Variants in DMD observed in about 807,000 individuals in gnomAD.
DMD encodes the protein mutant dystrophin.
A neutral mutation model predicts 330.1 loss-of-function variants in DMD; 63 were observed. The observed-to-expected ratio is 0.19, with a 90% CI of 0.16 to 0.24. The LOEUF (loss-of-function observed/expected upper bound fraction) is 0.24, where lower values mean the gene tolerates loss of function less well. DMD is among the 10% of genes least tolerant of loss of function. DMD has a pLI of 1.00. For synonymous variants in DMD, 1,223 were observed against 959.8 expected, an observed-to-expected ratio of 1.27 and a Z score of -5.07; for missense variants, 3,344 against 2,684.1, an observed-to-expected ratio of 1.25 and a Z score of -5.43.
intron 60 of DMD, among the ~76,000 whole-genome samples, chrX:31,369,092 A>G (rs772360590): frequency 8.9e-6 from 1 of 112,182 alleles, no homozygotes; most frequent in South Asian, 3.7e-4. Flanking sequence ...TTGACAGTGG[A>G]AAGTCTACAT....
At position 31,124,205 on chromosome X, in the gene DMD, A is replaced by T. The variant is rs751135229; in HGVS notation, c.11047-2275T>A. ...TTGTGGCCATCTTTGTGCTATAAAA[A>T]TAAAGAACTTTTAGAGTCACCTCAT... On this transcript the variant is annotated intron_variant, in intron 78 of 78. Coordinates refer to ENST00000357033, the MANE Select transcript of DMD (RefSeq NM_004006.3). 5.1e-4 allele frequency among the ~76,000 whole-genome samples: 57 copies of T among 112,514 alleles called. No homozygotes were observed. The Middle Eastern group carries it at 0.014, about 27-fold the overall frequency.
At chrX:32,167,887 C>A (rs1378806665) in intron 44 of DMD, among the ~76,000 whole-genome samples, 1 of 112,174 alleles carries the variant, frequency 8.9e-6, no homozygotes, top group Non-Finnish European at 1.9e-5. Flanking sequence ...GAGGGAAATT[C>A]AAAAATAAAT....
At chrX:32,344,777 G>A (rs1433906230) in intron 39 of DMD, among the ~76,000 whole-genome samples, 1 of 111,647 alleles carries the variant, frequency 9.0e-6, no homozygotes, top group Non-Finnish European at 1.9e-5. Flanking sequence ...TATTCAGTAG[G>A]ACACACACCA....
intron 43 of DMD, among the ~76,000 whole-genome samples, chrX:32,274,674 G>C (rs980574562): frequency 1.8e-5 from 2 of 111,766 alleles, no homozygotes; most frequent in Non-Finnish European, 3.8e-5. Context: ...TAACAACTAA[G>C]AATTCAGAAG....
intron 52 of DMD, among the ~76,000 whole-genome samples, chrX:31,709,089 T>C (rs1368081015): frequency 9.0e-6 from 1 of 111,633 alleles, no homozygotes; most frequent in Admixed American, 9.5e-5. Context: ...CTGACCAACA[T>C]GGTGAAGTCC....
intron 59 of DMD, among the ~76,000 whole-genome samples, chrX:31,475,194 C>T (rs953839368): frequency 5.4e-5 from 6 of 111,094 alleles, no homozygotes; most frequent in Admixed American, 1.9e-4. Flanking sequence ...TATAATTTTT[C>T]GAAAGGTATG....
intron 43 of DMD, among the ~76,000 whole-genome samples, chrX:32,263,444 T>C (rs1047949272): frequency 9.8e-5 from 11 of 112,668 alleles, no homozygotes; most frequent in African/African-American, 3.5e-4. Context: ...CATGAAAATA[T>C]GCCAACAGAA....
intron 32 of DMD, among the ~76,000 whole-genome samples, chrX:32,388,179 GCA>G (rs1454932362): frequency 9.0e-6 from 1 of 110,974 alleles, no homozygotes; most frequent in Non-Finnish European, 1.9e-5. Flanking sequence ...CTGACGCAGG[GCA>G]CAGTCACAGC....
chrX:32,066,055 C>A (rs2096257997), intron 44 of DMD, among the ~76,000 whole-genome samples: 1 of 111,525 alleles, frequency 9.0e-6, no homozygotes, highest in African/African-American at 3.2e-5. Flanking sequence ...TAATATTTTT[C>A]TTGCCATGTC....
At chrX:32,771,796 T>A (rs1447027626) in intron 7 of DMD, among the ~76,000 whole-genome samples, 1 of 112,020 alleles carries the variant, frequency 8.9e-6, no homozygotes, top group African/African-American at 3.3e-5. Context: ...CTAAAAGCAC[T>A]GATCAAGAAT....
chrX:33,136,859 G>A (rs1412422491), intron 1 of DMD, among the ~76,000 whole-genome samples: 1 of 110,855 alleles, frequency 9.0e-6, no homozygotes, highest in Non-Finnish European at 1.9e-5. Flanking sequence ...ACAATTAGGA[G>A]TAAGAAGTAC....
chrX:31,350,429 C>A (rs749267857), intron 60 of DMD, among the ~76,000 whole-genome samples: 1 of 112,197 alleles, frequency 8.9e-6, no homozygotes, highest in African/African-American at 3.2e-5. Flanking sequence ...GTGTGTCTTG[C>A]AATAGATTGG....
chrX:32,197,880 ATATTAT>A (rs1378157953), intron 44 of DMD, among the ~76,000 whole-genome samples: 1 of 111,464 alleles, frequency 9.0e-6, no homozygotes, highest in Non-Finnish European at 1.9e-5. Context: ...TTTCGAAAAC[ATATTAT>A]TATTAATTAT....
intron 11 of DMD, among the ~76,000 whole-genome samples, chrX:32,637,952 C>T (rs909374839): frequency 8.9e-6 from 1 of 112,044 alleles, no homozygotes; most frequent in African/African-American, 3.2e-5. Flanking sequence ...TCTCTCATTT[C>T]TGTGAATTCC....
intron 51 of DMD, among the ~76,000 whole-genome samples, chrX:31,740,781 G>A (rs1208538751): frequency 8.9e-6 from 1 of 111,889 alleles, no homozygotes; most frequent in African/African-American, 3.2e-5. Context: ...CGGGATGGCT[G>A]TAGCAATTTC....
At chrX:32,980,368 CAAAAA>C (rs755016078) in intron 2 of DMD, among the ~76,000 whole-genome samples, 605 of 42,504 alleles carry the variant, frequency 0.014, 3 homozygotes, top group Admixed American at 0.042. Context: ...GACTCTGTCT[CAAAAA>C]AAAAAAAAAA....
At chrX:32,829,460 T>C (rs997568349) in intron 4 of DMD, among the ~76,000 whole-genome samples, 5 of 111,732 alleles carry the variant, frequency 4.5e-5, no homozygotes, top group African/African-American at 1.6e-4. Context: ...TCTGCTGTCA[T>C]GCGTCTTTTC....
chrX:32,774,783 C>T (rs2073976701), intron 7 of DMD, among the ~76,000 whole-genome samples: 1 of 111,121 alleles, frequency 9.0e-6, no homozygotes, highest in African/African-American at 3.3e-5. Context: ...TATCATTCTG[C>T]TCCCGGCCCC....
At chrX:32,364,060 G>C in intron 36 of DMD, among the ~76,000 whole-genome samples, 1 of 112,031 alleles carries the variant, frequency 8.9e-6, no homozygotes. Context: ...CTAACAGTCA[G>C]TTTTGAGACT....
Sources: gnomAD v4.1 joint callset for allele counts (sites outside exome capture counted in the v4.1 genomes callset) on GRCh38, gnomAD v4.1.1 for gene constraint, MANE v1.5 for transcripts, NCBI Gene and HGNC (gene_info 2026-07-23, HGNC 2026-07-21) for gene names.